The following IL1RAPL2 variants were observed in gnomAD, a reference collection of about 807,000 sequenced individuals.
IL1RAPL2 encodes the protein interleukin 1 receptor accessory protein like 2, also known as X-linked interleukin-1 receptor accessory protein-like 2.
IL1RAPL2 carries 3 observed loss-of-function variants against 44.1 expected under a neutral mutation model. The ratio of observed to expected loss-of-function variants is 0.07; its 90% CI spans 0.03 to 0.18. The LOEUF is 0.18. Ranked by LOEUF, IL1RAPL2 falls within the 10% of genes least tolerant of loss-of-function variation. The pLI is 1.00. For missense variants in IL1RAPL2, 391 were observed against 496.4 expected (o/e 0.79, Z 2.02); for synonymous variants, 181 against 178.8 (o/e 1.01, Z -0.10).
intron 3 of IL1RAPL2, among the ~76,000 whole-genome samples, chrX:105,196,697 ATTCTACAGTATG>A (rs1419037047): frequency 9.0e-6 from 1 of 111,147 alleles, no homozygotes; most frequent in Non-Finnish European, 1.9e-5. Flanking sequence ...TCCCTTAGGG[ATTCTACAGTATG>A]TTCTCCCTTC....
At chrX:105,093,955 G>A (rs1433018091) in intron 2 of IL1RAPL2, among the ~76,000 whole-genome samples, 3 of 111,924 alleles carry the variant, frequency 2.7e-5, no homozygotes, top group Non-Finnish European at 5.6e-5. Context: ...TATCTCTGAG[G>A]TCAGTTACCA....
chrX:105,065,288 C>T (rs937266035), intron 2 of IL1RAPL2, among the ~76,000 whole-genome samples: 24 of 111,781 alleles, frequency 2.1e-4, no homozygotes, highest in Non-Finnish European at 1.9e-4. Flanking sequence ...AATAGATCTT[C>T]TTGGATGGGT....
chrX:104,894,233 A>G (rs965050414), intron 2 of IL1RAPL2, among the ~76,000 whole-genome samples: 1 of 111,150 alleles, frequency 9.0e-6, no homozygotes, highest in African/African-American at 3.3e-5. Context: ...CCTTCATTTC[A>G]ACTTTGGTGA....
chrX:105,174,028 C>G (rs182977177), intron 2 of IL1RAPL2, among the ~76,000 whole-genome samples: 1 of 111,431 alleles, frequency 9.0e-6, no homozygotes, highest in African/African-American at 3.3e-5. Context: ...TCACTGCACC[C>G]AGCCTCTAAC....
intron 2 of IL1RAPL2, among the ~76,000 whole-genome samples, chrX:105,100,023 C>G (rs2032652205): frequency 9.0e-6 from 1 of 110,876 alleles, no homozygotes; most frequent in Non-Finnish European, 1.9e-5. Flanking sequence ...TGGTACAGTA[C>G]AATAAGATAT....
intron 5 of IL1RAPL2, among the ~76,000 whole-genome samples, chrX:105,341,593 CT>C (rs1314623652): frequency 9.0e-6 from 1 of 111,711 alleles, no homozygotes; most frequent in Non-Finnish European, 1.9e-5. Context: ...AATCAAGCAC[CT>C]TTTTTATACA....
intron 2 of IL1RAPL2, among the ~76,000 whole-genome samples, chrX:104,690,322 A>G (rs1473957824): frequency 8.9e-6 from 1 of 112,538 alleles, no homozygotes; most frequent in African/African-American, 3.2e-5. Flanking sequence ...AATTATGCCA[A>G]TATCGCCAAG....
rs1313150240 is a variant in IL1RAPL2 at position 105,042,900 on chromosome X, A to G, written c.83-152575A>G. On this transcript the variant is annotated intron_variant, in intron 2 of 10. Coordinates refer to ENST00000372582, the MANE Select transcript of IL1RAPL2 (RefSeq NM_017416.2). ...ACACCATGGAATACTATGCAGCCAT[A>G]AAAAAGGATGAGTTCATGTCCTTTG... Among the ~76,000 whole-genome samples the G allele has an allele frequency of 2.8e-5, 3 of 108,030 alleles. 1 individual carries two copies. In the Admixed American group the frequency reaches 3.0e-4, roughly 11 times the overall value. The allele number at this position is 108,030 out of a possible 115,157, so 93.8% of individuals were successfully genotyped here.
Position 104,648,573 on chromosome X carries a change from C to T in IL1RAPL2, c.-19-10322C>T, listed in dbSNP as rs751162416. Among the ~76,000 whole-genome samples, 6 of 111,860 alleles carry T rather than the reference C, an allele frequency of 5.4e-5. No individual in the cohort carries two copies. In the East Asian group the frequency reaches 1.4e-3, roughly 26 times the overall value. On this transcript the variant is annotated intron_variant, in intron 1 of 10. Coordinates refer to ENST00000372582, the MANE Select transcript of IL1RAPL2 (RefSeq NM_017416.2). ...TGTTAGATGATGAGGGATTTAGACA[C>T]CACATCAAAAATTGAGTAAGACTCA...
chrX:105,681,694 G>T (rs1453766081), intron 6 of IL1RAPL2, among the ~76,000 whole-genome samples: 1 of 111,389 alleles, frequency 9.0e-6, no homozygotes, highest in Non-Finnish European at 1.9e-5. Flanking sequence ...GGGGGCAGAG[G>T]TTGCAGTGAG....
At chrX:105,487,111 A>T (rs1198207973) in intron 6 of IL1RAPL2, among the ~76,000 whole-genome samples, 1 of 108,654 alleles carries the variant, frequency 9.2e-6, no homozygotes, top group Non-Finnish European at 1.9e-5. Context: ...AAAAAAAAAA[A>T]ATAGTACTTG....
intron 2 of IL1RAPL2, among the ~76,000 whole-genome samples, chrX:104,948,364 C>G (rs1433573324): frequency 9.3e-6 from 1 of 107,585 alleles, no homozygotes; most frequent in African/African-American, 3.4e-5. Flanking sequence ...CATCTGCAAA[C>G]AGGGACAATT....
At chrX:105,233,668 G>A in intron 3 of IL1RAPL2, 150 bp from the exon 4 acceptor site, 1 of 453,571 alleles carries the variant, frequency 2.2e-6, no homozygotes, top group Non-Finnish European at 3.8e-6. Flanking sequence ...GTCAGTTGCA[G>A]CATAAAACTG....
At chrX:105,210,674 A>G (rs189420259) in intron 3 of IL1RAPL2, among the ~76,000 whole-genome samples, 8 of 111,720 alleles carry the variant, frequency 7.2e-5, no homozygotes, top group African/African-American at 2.3e-4. Context: ...CAAGCCCGAG[A>G]ACATTTTTGA....
At chrX:105,516,665 C>G (rs1361832291) in intron 6 of IL1RAPL2, among the ~76,000 whole-genome samples, 1 of 111,838 alleles carries the variant, frequency 8.9e-6, no homozygotes, top group Admixed American at 9.5e-5. Flanking sequence ...TAGGAGACAA[C>G]AAATAAATAC....
intron 2 of IL1RAPL2, among the ~76,000 whole-genome samples, chrX:104,896,373 C>T (rs1262970908): frequency 9.0e-6 from 1 of 111,642 alleles, no homozygotes; most frequent in Non-Finnish European, 1.9e-5. Flanking sequence ...CTTAAGAGTT[C>T]CCCTCTGGAG....
chrX:104,568,618 G>C (rs1424482174), intron 1 of IL1RAPL2, among the ~76,000 whole-genome samples: 1 of 111,649 alleles, frequency 9.0e-6, no homozygotes, highest in Non-Finnish European at 1.9e-5. Flanking sequence ...TGTACCACTG[G>C]GCTCTTTGCC....
intron 1 of IL1RAPL2, among the ~76,000 whole-genome samples, chrX:104,582,785 T>C (rs1230798967): frequency 2.1e-5 from 2 of 97,264 alleles, no homozygotes; most frequent in Non-Finnish European, 4.1e-5. Flanking sequence ...CTCTCTCTCT[T>C]TCTTTCTTTC....
intron 2 of IL1RAPL2, among the ~76,000 whole-genome samples, chrX:105,184,078 C>T (rs976740692): frequency 9.0e-6 from 1 of 111,618 alleles, no homozygotes; most frequent in African/African-American, 3.3e-5. Context: ...ATGTGGACTG[C>T]TGGGGTCACT....
Sources: allele counts gnomAD v4.1 joint callset (sites outside exome capture counted in the v4.1 genomes callset), GRCh38; gene constraint gnomAD v4.1.1; transcripts MANE v1.5; gene names NCBI Gene and HGNC (gene_info 2026-07-23, HGNC 2026-07-21).